The following LRMDA variants were observed in gnomAD, a reference collection of about 807,000 sequenced individuals.
LRMDA encodes the protein leucine-rich melanocyte differentiation-associated protein.
In LRMDA, 18 loss-of-function variants were observed where a neutral mutation model predicts 29.8. That is an observed-to-expected ratio of 0.60 (90% CI 0.42 to 0.90). LRMDA has a LOEUF of 0.90. LRMDA is among the 40% of genes least tolerant of loss of function. The probability of loss-of-function intolerance (pLI) is 0.00; values close to 1 mark genes in which losing one functional copy is unlikely to be tolerated. For missense variants in LRMDA, 273 were observed against 273.9 expected (o/e 1.00, Z 0.02); for synonymous variants, 125 against 109.4 (o/e 1.14, Z -0.89).
At chr10:75,782,694 A>G in intron 2 of LRMDA, 1 of 1,230,830 alleles carries the variant, frequency 8.1e-7, no homozygotes, top group Non-Finnish European at 1.0e-6. Flanking sequence ...AGTAGAGTCA[A>G]CATAAAGCCA....
At chr10:75,797,263 T>C (rs902906173) in intron 2 of LRMDA, among the ~76,000 whole-genome samples, 2 of 152,208 alleles carry the variant, frequency 1.3e-5, no homozygotes, top group Admixed American at 6.5e-5. Flanking sequence ...TTATTTATAG[T>C]GTTACCATAT....
chr10:75,827,146 AC>A (rs1468362747), intron 2 of LRMDA, among the ~76,000 whole-genome samples: 2 of 152,196 alleles, frequency 1.3e-5, no homozygotes, highest in Non-Finnish European at 2.9e-5. Flanking sequence ...TGATGATTGC[AC>A]ATCGCATGTT....
At chr10:75,914,149 C>T (rs986017425) in intron 2 of LRMDA, among the ~76,000 whole-genome samples, 20 of 152,070 alleles carry the variant, frequency 1.3e-4, no homozygotes, top group African/African-American at 4.3e-4. Flanking sequence ...TTTTTTCCTC[C>T]TTCTTCTCAA....
intron 6 of LRMDA, among the ~76,000 whole-genome samples, chr10:76,481,044 T>C (rs186187528): frequency 6.6e-6 from 1 of 152,022 alleles, no homozygotes; most frequent in East Asian, 1.9e-4. Context: ...CACTTATTTG[T>C]AGCTTATTGA....
At chr10:75,871,562 T>C (rs534787457) in intron 2 of LRMDA, among the ~76,000 whole-genome samples, 2 of 152,162 alleles carry the variant, frequency 1.3e-5, no homozygotes, top group African/African-American at 4.8e-5. Context: ...TGATGTTGGA[T>C]TTTCCTCCTC....
intron 2 of LRMDA, among the ~76,000 whole-genome samples, chr10:75,771,769 G>T (rs927509724): frequency 1.3e-5 from 2 of 152,136 alleles, no homozygotes; most frequent in Non-Finnish European, 2.9e-5. Context: ...TCAGACAGAG[G>T]TGGGGGGGTT....
chr10:76,330,165 G>A (rs543304689), intron 6 of LRMDA, among the ~76,000 whole-genome samples: 56 of 152,302 alleles, frequency 3.7e-4, no homozygotes, highest in African/African-American at 1.2e-3. Flanking sequence ...GCAGAATGAT[G>A]CGATACTTTT....
intron 2 of LRMDA, among the ~76,000 whole-genome samples, chr10:75,455,388 C>T (rs1006604515): frequency 1.3e-5 from 2 of 152,162 alleles, no homozygotes; most frequent in Non-Finnish European, 2.9e-5. Flanking sequence ...GGACCTTACA[C>T]CTGTGATGTT....
chr10:76,470,605 G>A (rs970631270), intron 6 of LRMDA: 1 of 151,896 alleles, frequency 6.6e-6, no homozygotes. Context: ...AATATAGTTG[G>A]GAAAAGATTA....
intron 5 of LRMDA, among the ~76,000 whole-genome samples, chr10:76,317,666 C>T (rs536791647): frequency 3.9e-5 from 6 of 152,270 alleles, no homozygotes; most frequent in Admixed American, 6.5e-5. Flanking sequence ...CTCTGCCTCC[C>T]GGGTTCAGGC....
chr10:76,033,857 C>A (rs1848193189), intron 2 of LRMDA, among the ~76,000 whole-genome samples: 1 of 152,078 alleles, frequency 6.6e-6, no homozygotes, highest in Non-Finnish European at 1.5e-5. Flanking sequence ...AAGTCCCCTG[C>A]ACAAGCCTGA....
In LRMDA at chr10:76,091,291, G is replaced by A. The variant is rs879934961; in HGVS notation, c.516+32508G>A. On this transcript the variant is annotated intron_variant, in intron 5 of 6. Coordinates refer to ENST00000611255, the MANE Select transcript of LRMDA (RefSeq NM_001305581.2). ...ACATGGTGGACGTGTGTGTGTGTGT[G>A]TGTGTGTGTGTGTGTGTGTGTGTGT... Among the ~76,000 whole-genome samples, 1,335 of 150,200 alleles carry A rather than the reference G, an allele frequency of 8.9e-3. 10 individuals carry two copies. The highest frequency in any genetic ancestry group is 0.011 in the Non-Finnish European group (722 of 67,240).
At chr10:75,608,989 C>T (rs542340529) in intron 2 of LRMDA, among the ~76,000 whole-genome samples, 16 of 152,306 alleles carry the variant, frequency 1.1e-4, no homozygotes, top group Admixed American at 9.8e-4. Flanking sequence ...ACTCTCGTCA[C>T]CTGCACGTAC....
chr10:76,554,261 G>T (rs887917506), intron 6 of LRMDA, among the ~76,000 whole-genome samples: 5 of 152,104 alleles, frequency 3.3e-5, no homozygotes, highest in African/African-American at 1.2e-4. Context: ...ATATGGCGCT[G>T]GTATCTCTGT....
At chr10:75,465,243 C>T (rs1589151476) in intron 2 of LRMDA, among the ~76,000 whole-genome samples, 2 of 152,306 alleles carry the variant, frequency 1.3e-5, no homozygotes, top group African/African-American at 2.4e-5. Flanking sequence ...GTTTTTGTCA[C>T]GTGGAGAGAG....
At chr10:76,363,084 C>T (rs1270658899) in intron 6 of LRMDA, among the ~76,000 whole-genome samples, 1 of 145,820 alleles carries the variant, frequency 6.9e-6, no homozygotes, top group East Asian at 2.0e-4. Context: ...ATCGACCTAG[C>T]ATTGTGCTAG....
intron 5 of LRMDA, among the ~76,000 whole-genome samples, chr10:76,096,474 A>C (rs1849313087): frequency 6.6e-6 from 1 of 151,976 alleles, no homozygotes; most frequent in African/African-American, 2.4e-5. Flanking sequence ...TCACTGATTT[A>C]TGTGTCTATC....
At chr10:75,484,653 G>A (rs1844891089) in intron 2 of LRMDA, among the ~76,000 whole-genome samples, 1 of 152,166 alleles carries the variant, frequency 6.6e-6, no homozygotes, top group Non-Finnish European at 1.5e-5. Context: ...GTTAAATGAG[G>A]TCACAAGGGT....
In LRMDA at chr10:75,672,546, C is replaced by G. The variant is rs1213042266; in HGVS notation, c.131+234052C>G. The stretch of plus-strand genomic sequence containing the variant: ...TTTTCCTCCCCTCCCCTCCCCTCCC[C>G]TCCCCTCCCCTCCCCTCCCCTTCCC... On this transcript the variant is annotated intron_variant, in intron 2 of 6. Transcript: ENST00000611255. Among the ~76,000 whole-genome samples, 2 of 13,116 alleles carry G rather than the reference C, an allele frequency of 1.5e-4. 1 individual carries two copies. Among genetic ancestry groups the G allele is most frequent in the Non-Finnish European group, 2.8e-4 (2 of 7,124 alleles). 8.6% of individuals were successfully genotyped at this position (13,116 alleles called of 152,430 possible).
Sources: gnomAD v4.1 joint callset for allele counts (sites outside exome capture counted in the v4.1 genomes callset) on GRCh38, gnomAD v4.1.1 for gene constraint, MANE v1.5 for transcripts, NCBI Gene and HGNC (gene_info 2026-07-23, HGNC 2026-07-21) for gene names.